CLHC1: variants seen among roughly 807,000 people sequenced by gnomAD.
The protein encoded by CLHC1 is clathrin heavy chain linker domain-containing protein 1.
A neutral mutation model predicts 69.5 loss-of-function variants in CLHC1; 72 were observed. The observed-to-expected ratio is 1.04, with a 90% CI of 0.86 to 1.26. The LOEUF is 1.26. CLHC1 is among the 50% of genes most tolerant of loss of function. The probability of loss-of-function intolerance (pLI) is 0.00; values close to 1 mark genes in which losing one functional copy is unlikely to be tolerated. For synonymous variants in CLHC1, 223 were observed against 224.3 expected, an observed-to-expected ratio of 0.99 and a Z score of 0.05; for missense variants, 790 against 679.3, an observed-to-expected ratio of 1.16 and a Z score of -1.81.
At position 55,206,291 on chromosome 2, in the gene CLHC1, CA is replaced by C. The variant is rs1345763269; in HGVS notation, c.984del (p.Ile328MetfsTer4). 2 of 1,600,680 alleles carry C rather than the reference CA, an allele frequency of 1.2e-6. No homozygotes were observed. The highest frequency in any genetic ancestry group is 2.2e-5 in the South Asian group (2 of 90,784). On this transcript the variant is annotated frameshift_variant, in exon 9 of 13. Transcript: ENST00000401408. LOFTEE classifies it high-confidence loss of function. ...TTACCCTTAAATGTATTCATTGTAC[CA>C]ATGTTTCGAAGAATTCTTCTAGGAC... ...ANSPRRILRN[I>X]GTMNTFKAVG...
At chr2:55,227,819 C>T (rs1296014448) in intron 2 of CLHC1, among the ~76,000 whole-genome samples, 6 of 150,274 alleles carry the variant, frequency 4.0e-5, no homozygotes, top group Non-Finnish European at 5.9e-5. Flanking sequence ...TTTACTTGGC[C>T]TATTAGTGCC....
chr2:55,196,915 T>C (rs1671480485), intron 9 of CLHC1, among the ~76,000 whole-genome samples: 1 of 152,184 alleles, frequency 6.6e-6, no homozygotes, highest in African/African-American at 2.4e-5. Flanking sequence ...ATTCCAGCAC[T>C]TCGTTCTTGG....
chr2:55,225,238 C>G (rs941132873), intron 2 of CLHC1: 1 of 152,508 alleles, frequency 6.6e-6, no homozygotes, highest in Non-Finnish European at 1.5e-5. Flanking sequence ...GGGACCATGG[C>G]GCAAGGTAGG....
At chr2:55,229,143 T>C (rs1161078124) in intron 1 of CLHC1, among the ~76,000 whole-genome samples, 2 of 100,852 alleles carry the variant, frequency 2.0e-5, no homozygotes, top group Non-Finnish European at 3.8e-5. Flanking sequence ...AGAGGGAGAT[T>C]CTGTCTCAAA....
intron 1 of CLHC1, among the ~76,000 whole-genome samples, chr2:55,231,142 C>G (rs1271847722): frequency 1.3e-5 from 2 of 151,300 alleles, no homozygotes; most frequent in African/African-American, 4.9e-5. Context: ...CCCAGCTACT[C>G]GGGAGGCTGA....
chr2:55,205,380 G>C (rs1573695073), intron 9 of CLHC1, among the ~76,000 whole-genome samples: 1 of 148,756 alleles, frequency 6.7e-6, no homozygotes, highest in South Asian at 2.1e-4. Context: ...GTCCATCAAG[G>C]GATGATTGGA....
chr2:55,212,822 G>A lies in CLHC1; in HGVS notation c.366-16C>T, dbSNP rs779946660. On this transcript the variant is annotated splice_polypyrimidine_tract_variant and intron_variant, in intron 4 of 12. Coordinates refer to ENST00000401408, the MANE Select transcript of CLHC1 (RefSeq NM_152385.4). ...AATCCTCATTCTGGAAAACAGAAAGGCTTTCTTATGTCTTTCAACTAACTT... is the reference window on the plus strand; with the variant it reads ...AATCCTCATTCTGGAAAACAGAAAGACTTTCTTATGTCTTTCAACTAACTT... 1.7e-5 allele frequency: 27 copies of A among 1,574,300 alleles called. No homozygotes were observed. In the South Asian group the frequency reaches 2.8e-4, roughly 16 times the overall value.
chr2:55,213,512 C>A (rs1673203182), intron 4 of CLHC1, among the ~76,000 whole-genome samples: 1 of 152,164 alleles, frequency 6.6e-6, no homozygotes, highest in African/African-American at 2.4e-5. Context: ...GTTCTAGAGA[C>A]TAGGACCTGA....
chr2:55,219,940 T>C (rs747357021), intron 3 of CLHC1, among the ~76,000 whole-genome samples: 3 of 152,214 alleles, frequency 2.0e-5, no homozygotes, highest in Non-Finnish European at 4.4e-5. Context: ...GTTGCTATGT[T>C]GCCCAGGATG....
At chr2:55,200,630 G>A (rs1671861921) in intron 9 of CLHC1, among the ~76,000 whole-genome samples, 1 of 152,134 alleles carries the variant, frequency 6.6e-6, no homozygotes, top group Non-Finnish European at 1.5e-5. Flanking sequence ...CATCCAGACA[G>A]AAAATCAACA....
intron 7 of CLHC1, 106 bp downstream of exon 7, chr2:55,209,298 T>C (rs927993929): frequency 1.5e-6 from 1 of 669,690 alleles, no homozygotes; most frequent in Non-Finnish European, 2.6e-6. Flanking sequence ...AGCTGAAGTA[T>C]GATCTTGCTT....
intron 9 of CLHC1, among the ~76,000 whole-genome samples, chr2:55,186,577 G>T (rs1330809723): frequency 6.6e-6 from 1 of 151,636 alleles, no homozygotes; most frequent in Non-Finnish European, 1.5e-5. Context: ...AACACTGTGA[G>T]ATGTCATCTC....
At chr2:55,223,594 C>T (rs996295241) in intron 2 of CLHC1, among the ~76,000 whole-genome samples, 4 of 151,546 alleles carry the variant, frequency 2.6e-5, no homozygotes, top group African/African-American at 9.7e-5. Context: ...GTGTCGGCCT[C>T]GGGGGACGGT....
intron 10 of CLHC1, 115 bp downstream of exon 10, chr2:55,181,455 T>C (rs1171247428): frequency 3.7e-6 from 3 of 811,828 alleles, no homozygotes; most frequent in Admixed American, 5.7e-5. Context: ...TTAATTGCAA[T>C]AGGGACCTGA....
chr2:55,176,354 C>T (rs939320335), intron 12 of CLHC1, among the ~76,000 whole-genome samples: 5 of 152,148 alleles, frequency 3.3e-5, no homozygotes, highest in African/African-American at 1.2e-4. Context: ...CTATAAGGCA[C>T]CACTAGAAAC....
At chr2:55,223,191 C>T (rs1226491350) in intron 2 of CLHC1, among the ~76,000 whole-genome samples, 4 of 152,024 alleles carry the variant, frequency 2.6e-5, no homozygotes, top group Non-Finnish European at 5.9e-5. Flanking sequence ...ACGACCCCGG[C>T]GCTTATCTGG....
At chr2:55,192,533 AT>A (rs1312696223) in intron 9 of CLHC1, among the ~76,000 whole-genome samples, 1 of 152,224 alleles carries the variant, frequency 6.6e-6, no homozygotes, top group African/African-American at 2.4e-5. Flanking sequence ...AACCATGCTA[AT>A]ACTAATCTAA....
chr2:55,211,524 A>AAAG (rs1673012399), intron 5 of CLHC1, among the ~76,000 whole-genome samples: 1 of 140,876 alleles, frequency 7.1e-6, no homozygotes, highest in Non-Finnish European at 1.6e-5. Flanking sequence ...AAAAAAAAAG[A>AAAG]AAGTGAATCT....
chr2:55,198,463 T>C (rs1007364055), intron 9 of CLHC1, among the ~76,000 whole-genome samples: 11 of 152,156 alleles, frequency 7.2e-5, no homozygotes, highest in Admixed American at 3.9e-4. Flanking sequence ...GGCACACCTG[T>C]AGTTTCAGCT....
Sources: allele counts gnomAD v4.1 joint callset (sites outside exome capture counted in the v4.1 genomes callset), GRCh38; gene constraint gnomAD v4.1.1; transcripts MANE v1.5; gene names NCBI Gene and HGNC (gene_info 2026-07-23, HGNC 2026-07-21).